PTPRD: variants seen among roughly 807,000 people sequenced by gnomAD.
PTPRD encodes protein tyrosine phosphatase receptor type D.
PTPRD carries 34 observed loss-of-function variants against 214.5 expected under a neutral mutation model. The ratio of observed to expected loss-of-function variants is 0.16; its 90% CI spans 0.12 to 0.21. The LOEUF (loss-of-function observed/expected upper bound fraction) is 0.21. PTPRD is among the 10% of genes least tolerant of loss of function. PTPRD has a pLI of 1.00. For missense variants in PTPRD, 2,545 were observed against 2,398.7 expected, an observed-to-expected ratio of 1.06 and a Z score of -1.27; for synonymous variants, 1,128 against 845.7, an observed-to-expected ratio of 1.33 and a Z score of -5.79.
intron 8 of PTPRD, among the ~76,000 whole-genome samples, chr9:9,405,374 T>G (rs1409635181): frequency 2.0e-5 from 3 of 152,058 alleles, no homozygotes; most frequent in African/African-American, 4.8e-5. Flanking sequence ...CCATAGAAGT[T>G]GTAGGCAAAG....
At chr9:10,346,824 A>C (rs769888790) in intron 2 of PTPRD, among the ~76,000 whole-genome samples, 26 of 152,358 alleles carry the variant, frequency 1.7e-4, no homozygotes, top group Non-Finnish European at 2.6e-4. Context: ...GTAATTTCAC[A>C]GAACATGTGA....
At chr9:9,509,246 T>C (rs10977828) in intron 8 of PTPRD, among the ~76,000 whole-genome samples, 1,750 of 151,776 alleles carry the variant, frequency 0.012, 16 homozygotes, top group Middle Eastern at 0.017. Flanking sequence ...AAAACCCATG[T>C]AATTTCTGCA....
At chr9:8,827,608 A>G (rs1231615469) in intron 11 of PTPRD, among the ~76,000 whole-genome samples, 1 of 152,204 alleles carries the variant, frequency 6.6e-6, no homozygotes, top group African/African-American at 2.4e-5. Context: ...CTCTGTCTCA[A>G]ACAAACAAAA....
At chr9:10,565,838 A>G (rs1474893418) in intron 2 of PTPRD, among the ~76,000 whole-genome samples, 1 of 151,922 alleles carries the variant, frequency 6.6e-6, no homozygotes, top group Non-Finnish European at 1.5e-5. Context: ...CAATACATAT[A>G]CATGCACACA....
At chr9:10,189,297 G>A (rs1396575548) in intron 3 of PTPRD, among the ~76,000 whole-genome samples, 1 of 152,132 alleles carries the variant, frequency 6.6e-6, no homozygotes, top group Non-Finnish European at 1.5e-5. Flanking sequence ...GAGGAAACAT[G>A]TTCTCATAAA....
intron 4 of PTPRD, among the ~76,000 whole-genome samples, chr9:10,027,486 C>G (rs1193871954): frequency 6.6e-6 from 1 of 151,920 alleles, no homozygotes; most frequent in Non-Finnish European, 1.5e-5. Context: ...TACAAAAGTG[C>G]CAAAACATGA....
At chr9:9,604,391 T>G (rs1474504187) in intron 7 of PTPRD, among the ~76,000 whole-genome samples, 9 of 152,212 alleles carry the variant, frequency 5.9e-5, no homozygotes, top group African/African-American at 2.2e-4. Context: ...ATATTTGGCC[T>G]TTGTAATCTA....
At chr9:8,713,642 G>C (rs1414591415) in intron 12 of PTPRD, 1 of 1,525,948 alleles carries the variant, frequency 6.6e-7, no homozygotes, top group Non-Finnish European at 9.0e-7. Context: ...CAGTGCTACC[G>C]AGACATGGGC....
chr9:8,938,205 G>A (rs1475840110), intron 11 of PTPRD, among the ~76,000 whole-genome samples: 3 of 152,050 alleles, frequency 2.0e-5, no homozygotes, highest in Non-Finnish European at 2.9e-5. Flanking sequence ...GCTATTAAAA[G>A]TGCATTATCT....
intron 12 of PTPRD, among the ~76,000 whole-genome samples, chr9:8,687,798 T>C (rs1309598774): frequency 6.6e-6 from 1 of 152,112 alleles, no homozygotes; most frequent in Non-Finnish European, 1.5e-5. Flanking sequence ...ACATTTTATA[T>C]ACTACTCATA....
At chr9:8,425,421 C>A (rs1051785682) in intron 35 of PTPRD, among the ~76,000 whole-genome samples, 1 of 145,406 alleles carries the variant, frequency 6.9e-6, no homozygotes, top group South Asian at 2.3e-4. Flanking sequence ...AATCACCTTT[C>A]ACACCTCACC....
chr9:9,041,561 C>G (rs1221886709), intron 10 of PTPRD, among the ~76,000 whole-genome samples: 1 of 152,166 alleles, frequency 6.6e-6, no homozygotes, highest in African/African-American at 2.4e-5. Flanking sequence ...TTTTTGATGG[C>G]TGCATAGTAA....
At chr9:8,485,184 C>G (rs755001803) in intron 29 of PTPRD, 43 bp downstream of exon 29, 11 of 1,542,714 alleles carry the variant, frequency 7.1e-6, no homozygotes, top group Non-Finnish European at 6.3e-6. Context: ...ACTGTCCCCT[C>G]TACTTTTATC....
intron 8 of PTPRD, among the ~76,000 whole-genome samples, chr9:9,453,516 G>A (rs763810189): frequency 6.6e-6 from 1 of 151,428 alleles, no homozygotes; most frequent in East Asian, 1.9e-4. Context: ...AAGATTCAAG[G>A]TTGCCTTATT....
chr9:8,441,442 C>A (rs775149362), intron 34 of PTPRD, among the ~76,000 whole-genome samples: 1 of 152,114 alleles, frequency 6.6e-6, no homozygotes, highest in South Asian at 2.1e-4. Flanking sequence ...TATCGTGTGG[C>A]ATTTCCTCAG....
chr9:8,909,425 T>G (rs1587845716), intron 11 of PTPRD, among the ~76,000 whole-genome samples: 1 of 152,150 alleles, frequency 6.6e-6, no homozygotes, highest in Non-Finnish European at 1.5e-5. Flanking sequence ...CGAGTGAAAT[T>G]TAACATACAA....
At chr9:9,869,098 A>T (rs2064774727) in intron 5 of PTPRD, among the ~76,000 whole-genome samples, 1 of 152,134 alleles carries the variant, frequency 6.6e-6, no homozygotes, top group African/African-American at 2.4e-5. Context: ...AAACTATGAA[A>T]AATGTATGAA....
intron 7 of PTPRD, among the ~76,000 whole-genome samples, chr9:9,582,190 A>T (rs1196644939): frequency 6.6e-6 from 1 of 152,118 alleles, no homozygotes; most frequent in Admixed American, 6.6e-5. Flanking sequence ...GACCACTTGG[A>T]ATAAGACAAC....
At chr9:9,121,679 G>A (rs2099817751) in intron 10 of PTPRD, among the ~76,000 whole-genome samples, 1 of 152,118 alleles carries the variant, frequency 6.6e-6, no homozygotes, top group African/African-American at 2.4e-5. Context: ...TGGGAAGTGT[G>A]GGAGGGGGGC....
Sources: allele counts gnomAD v4.1 joint callset (sites outside exome capture counted in the v4.1 genomes callset), GRCh38; gene constraint gnomAD v4.1.1; transcripts MANE v1.5; gene names NCBI Gene and HGNC (gene_info 2026-07-23, HGNC 2026-07-21).